The following LRMDA variants were observed in gnomAD, a reference collection of about 807,000 sequenced individuals.
The protein encoded by LRMDA is leucine-rich melanocyte differentiation-associated protein.
In LRMDA, 18 loss-of-function variants were observed where a neutral mutation model predicts 29.8. That is an observed-to-expected ratio of 0.60 (90% CI 0.42 to 0.90). The LOEUF is 0.90. Ranked by LOEUF, LRMDA falls within the 40% of genes least tolerant of loss-of-function variation. The pLI is 0.00. For synonymous variants in LRMDA, 125 were observed against 109.4 expected (o/e 1.14, Z -0.89); for missense variants, 273 against 273.9 (o/e 1.00, Z 0.02).
At chr10:75,736,530 A>C (rs563540959) in intron 2 of LRMDA, among the ~76,000 whole-genome samples, 1 of 152,310 alleles carries the variant, frequency 6.6e-6, no homozygotes, top group South Asian at 2.1e-4. Flanking sequence ...TGTTTATTGG[A>C]GAATGGGTAC....
chr10:76,534,367 G>A lies in LRMDA; in HGVS notation c.602-22842G>A, dbSNP rs113746850. On this transcript the variant is annotated intron_variant, in intron 6 of 6. Transcript: ENST00000611255. Reference sequence around the variant, plus strand: ...GTGTATTTTAGCCAATGAAATGTTCGTGGAAGGGATGCGTGGCAGTTCATG... The same window carrying A: ...GTGTATTTTAGCCAATGAAATGTTCATGGAAGGGATGCGTGGCAGTTCATG... Among the ~76,000 whole-genome samples the A allele has an allele frequency of 3.6e-3, 547 of 152,220 alleles. 5 individuals carry two copies. The highest frequency in any genetic ancestry group is 0.012 in the African/African-American group (495 of 41,538).
At chr10:75,723,352 A>G (rs1383846617) in intron 2 of LRMDA, among the ~76,000 whole-genome samples, 1 of 152,234 alleles carries the variant, frequency 6.6e-6, no homozygotes, top group Non-Finnish European at 1.5e-5. Context: ...GAACCAAGAA[A>G]GTAGACAACT....
At chr10:76,095,010 G>A (rs1321752380) in intron 5 of LRMDA, among the ~76,000 whole-genome samples, 1 of 152,142 alleles carries the variant, frequency 6.6e-6, no homozygotes, top group Non-Finnish European at 1.5e-5. Flanking sequence ...TTTACCCTTA[G>A]TGTAGAGTTC....
chr10:75,728,375 G>A (rs547826280), intron 2 of LRMDA, among the ~76,000 whole-genome samples: 5 of 151,728 alleles, frequency 3.3e-5, no homozygotes, highest in Non-Finnish European at 5.9e-5. Flanking sequence ...AAAAAATGAT[G>A]TTGCCCTTGA....
chr10:76,475,744 C>T (rs1194490924), intron 6 of LRMDA, among the ~76,000 whole-genome samples: 2 of 152,094 alleles, frequency 1.3e-5, no homozygotes, highest in Non-Finnish European at 2.9e-5. Flanking sequence ...GATTAAGAAA[C>T]TCACTCAAAA....
intron 2 of LRMDA, among the ~76,000 whole-genome samples, chr10:75,998,637 A>G (rs984903827): frequency 1.3e-5 from 2 of 152,212 alleles, no homozygotes; most frequent in African/African-American, 4.8e-5. Context: ...CCCATTTCTC[A>G]GGTGACGATC....
intron 2 of LRMDA, among the ~76,000 whole-genome samples, chr10:75,916,193 T>TGTGG (rs5786201): frequency 0.35 from 48,968 of 139,740 alleles, 9,691 homozygotes; most frequent in Non-Finnish European, 0.49. Context: ...TGTGTGTGTG[T>TGTGG]GTGGGTGGGT....
At chr10:75,476,599 C>G (rs1445745887) in intron 2 of LRMDA, among the ~76,000 whole-genome samples, 1 of 152,184 alleles carries the variant, frequency 6.6e-6, no homozygotes, top group East Asian at 1.9e-4. Context: ...CTGCTCAAAA[C>G]TGGTGTCTGT....
In LRMDA at chr10:76,549,613, T is replaced by G. The variant is rs1228462782; in HGVS notation, c.602-7596T>G. Among the ~76,000 whole-genome samples the G allele has an allele frequency of 2.6e-5, 4 of 152,184 alleles. No individual in the cohort carries two copies. In the South Asian group the frequency reaches 8.3e-4, roughly 32 times the overall value. ...TCAGAACCCCACAGTTTAGACCCTATCATGCACTTGGTATTCACCTTTGTC... is the reference window on the plus strand; with the variant it reads ...TCAGAACCCCACAGTTTAGACCCTAGCATGCACTTGGTATTCACCTTTGTC... On this transcript the variant is annotated intron_variant, in intron 6 of 6. Transcript: ENST00000611255.
intron 2 of LRMDA, among the ~76,000 whole-genome samples, chr10:76,019,529 A>C (rs1215465151): frequency 6.6e-6 from 1 of 152,174 alleles, no homozygotes; most frequent in Non-Finnish European, 1.5e-5. Context: ...AACAAAAAGA[A>C]CATAAACTTG....
chr10:75,482,017 C>T (rs988371590), intron 2 of LRMDA, among the ~76,000 whole-genome samples: 8 of 152,320 alleles, frequency 5.3e-5, no homozygotes, highest in Non-Finnish European at 7.3e-5. Context: ...CATAACATCA[C>T]GCACCTCTCT....
chr10:75,951,576 C>T (rs1038195007), intron 2 of LRMDA, among the ~76,000 whole-genome samples: 3 of 152,180 alleles, frequency 2.0e-5, no homozygotes, highest in Non-Finnish European at 4.4e-5. Flanking sequence ...CCTTGATTTG[C>T]GAGCTGGTGC....
At chr10:76,036,273 G>GTATT (rs1848244192) in intron 3 of LRMDA, 139 bp downstream of exon 3, 17 of 882,296 alleles carry the variant, frequency 1.9e-5, no homozygotes, top group African/African-American at 1.9e-4. Context: ...AATACAGTTC[G>GTATT]TGGGCAGACA....
intron 2 of LRMDA, among the ~76,000 whole-genome samples, chr10:75,659,449 GATATAC>G (rs1841721585): frequency 6.6e-6 from 1 of 151,888 alleles, no homozygotes; most frequent in Admixed American, 6.6e-5. Context: ...ATGATGATTT[GATATAC>G]ATATACATTG....
intron 2 of LRMDA, among the ~76,000 whole-genome samples, chr10:75,900,626 C>T (rs1589246504): frequency 6.6e-6 from 1 of 152,140 alleles, no homozygotes; most frequent in South Asian, 2.1e-4. Context: ...CCGCAGCATG[C>T]CCCTGGAGGG....
intron 5 of LRMDA, among the ~76,000 whole-genome samples, chr10:76,122,766 T>C (rs1301201557): frequency 6.6e-6 from 1 of 152,198 alleles, no homozygotes; most frequent in African/African-American, 2.4e-5. Context: ...TAAGGATTTT[T>C]TTGTTAGGCT....
chr10:76,377,883 A>AT (rs1226284892), intron 6 of LRMDA, among the ~76,000 whole-genome samples: 1 of 152,078 alleles, frequency 6.6e-6, no homozygotes, highest in African/African-American at 2.4e-5. Context: ...TTCCATCTGA[A>AT]TTTTAGGATT....
At chr10:76,099,040 A>G (rs1459842218) in intron 5 of LRMDA, among the ~76,000 whole-genome samples, 3 of 152,170 alleles carry the variant, frequency 2.0e-5, no homozygotes, top group African/African-American at 7.2e-5. Context: ...AGGTTTTACG[A>G]TAGTGATGTT....
At chr10:76,062,955 A>G (rs565756571) in intron 5 of LRMDA, among the ~76,000 whole-genome samples, 2 of 152,268 alleles carry the variant, frequency 1.3e-5, no homozygotes, top group African/African-American at 4.8e-5. Flanking sequence ...TGTGGTCGGC[A>G]TGTCAGCCCT....
Sources: allele counts gnomAD v4.1 joint callset (sites outside exome capture counted in the v4.1 genomes callset), GRCh38; gene constraint gnomAD v4.1.1; transcripts MANE v1.5; gene names NCBI Gene and HGNC (gene_info 2026-07-23, HGNC 2026-07-21).